The following SOX5 variants were observed in gnomAD, a reference collection of about 807,000 sequenced individuals.
SOX5 encodes SRY-box transcription factor 5, also known as transcription factor SOX-5.
Under a neutral mutation model 92.0 loss-of-function variants are expected in SOX5, and 9 were observed. That is an observed-to-expected ratio of 0.10 (90% confidence interval 0.06 to 0.17). SOX5 has a LOEUF of 0.17. Ranked by LOEUF, SOX5 falls within the 10% of genes least tolerant of loss-of-function variation. The pLI is 1.00. For synonymous variants in SOX5, 344 were observed against 336.3 expected (o/e 1.02, Z -0.25); for missense variants, 642 against 944.5 (o/e 0.68, Z 4.20).
intron 2 of SOX5, among the ~76,000 whole-genome samples, chr12:23,859,133 A>T (rs976302599): frequency 6.6e-6 from 1 of 152,188 alleles, no homozygotes; most frequent in Middle Eastern, 3.2e-3. Flanking sequence ...ACAGAATAAC[A>T]GCGATTTTCA....
At chr12:23,698,111 T>G (rs1490820018) in intron 6 of SOX5, among the ~76,000 whole-genome samples, 1 of 152,176 alleles carries the variant, frequency 6.6e-6, no homozygotes, top group Non-Finnish European at 1.5e-5. Flanking sequence ...TGTTATAACT[T>G]TTCATGTAGA....
At chr12:24,285,637 G>C (rs151079034) in intron 2 of SOX5, among the ~76,000 whole-genome samples, 26 of 152,254 alleles carry the variant, frequency 1.7e-4, no homozygotes, top group African/African-American at 6.3e-4. Flanking sequence ...TCCAGTGGTA[G>C]GTGGCAGCGA....
At chr12:24,498,101 G>A (rs1422467484) in intron 1 of SOX5, among the ~76,000 whole-genome samples, 1 of 152,026 alleles carries the variant, frequency 6.6e-6, no homozygotes, top group Non-Finnish European at 1.5e-5. Context: ...GGTAATGGAT[G>A]CTGGGCTTAA....
At chr12:23,699,079 C>T (rs1052081918) in intron 6 of SOX5, among the ~76,000 whole-genome samples, 1 of 152,204 alleles carries the variant, frequency 6.6e-6, no homozygotes, top group African/African-American at 2.4e-5. Flanking sequence ...ACCTGATGAA[C>T]ACAATCTGCA....
At chr12:23,829,770 A>G (rs530842201) in intron 3 of SOX5, among the ~76,000 whole-genome samples, 1 of 152,252 alleles carries the variant, frequency 6.6e-6, no homozygotes, top group East Asian at 1.9e-4. Context: ...TTTTTTATTG[A>G]GTCAAATAGC....
chr12:24,306,567 A>G (rs1948593857), intron 2 of SOX5, among the ~76,000 whole-genome samples: 1 of 152,208 alleles, frequency 6.6e-6, no homozygotes, highest in Non-Finnish European at 1.5e-5. Context: ...TTGTGCCTAG[A>G]TGGCACCCAC....
chr12:23,782,387 C>T (rs2095298481), intron 3 of SOX5, among the ~76,000 whole-genome samples: 1 of 151,998 alleles, frequency 6.6e-6, no homozygotes, highest in Admixed American at 6.6e-5. Context: ...ATAGACAAAT[C>T]AGAGATATGC....
intron 4 of SOX5, among the ~76,000 whole-genome samples, chr12:24,197,160 T>C (rs1957083250): frequency 6.6e-6 from 1 of 152,204 alleles, no homozygotes; most frequent in African/African-American, 2.4e-5. Flanking sequence ...TTCAATTGGT[T>C]GACATTTTCT....
chr12:23,673,490 C>A (rs2085137790), intron 6 of SOX5, among the ~76,000 whole-genome samples: 1 of 152,064 alleles, frequency 6.6e-6, no homozygotes, highest in Admixed American at 6.5e-5. Context: ...CATTAATGGT[C>A]ATTTACAAGA....
chr12:23,544,830 G>T (rs1166960645), intron 12 of SOX5, among the ~76,000 whole-genome samples: 1 of 152,058 alleles, frequency 6.6e-6, no homozygotes, highest in Admixed American at 6.6e-5. Context: ...GCAAATATAT[G>T]GCAACATCTT....
At chr12:24,045,628 A>G (rs149665694) in intron 4 of SOX5, among the ~76,000 whole-genome samples, 2 of 152,168 alleles carry the variant, frequency 1.3e-5, no homozygotes, top group Admixed American at 6.5e-5. Flanking sequence ...GACAGGGCCA[A>G]TGAGAAACTG....
chr12:24,353,034 T>C (rs1267084624), intron 2 of SOX5, among the ~76,000 whole-genome samples: 1 of 152,194 alleles, frequency 6.6e-6, no homozygotes, highest in Non-Finnish European at 1.5e-5. Context: ...AGCCTTGTAA[T>C]GCATGAGGTG....
intron 8 of SOX5, among the ~76,000 whole-genome samples, chr12:23,635,528 T>A (rs532366485): frequency 3.2e-4 from 47 of 148,626 alleles, no homozygotes; most frequent in African/African-American, 1.1e-3. Flanking sequence ...TGTCGTGGGG[T>A]GGGAGGAGGG....
At chr12:23,735,697 G>A (rs1441631887) in intron 5 of SOX5, among the ~76,000 whole-genome samples, 1 of 152,142 alleles carries the variant, frequency 6.6e-6, no homozygotes, top group Non-Finnish European at 1.5e-5. Flanking sequence ...AGTTCAACAA[G>A]TCCCAAACTA....
intron 4 of SOX5, among the ~76,000 whole-genome samples, chr12:24,008,505 A>C (rs1382014216): frequency 6.6e-6 from 1 of 152,112 alleles, no homozygotes; most frequent in Non-Finnish European, 1.5e-5. Flanking sequence ...GATTAAATCC[A>C]CCTATATATT....
chr12:24,070,896 T>C (rs536073623), intron 4 of SOX5, among the ~76,000 whole-genome samples: 2 of 152,180 alleles, frequency 1.3e-5, no homozygotes, highest in Non-Finnish European at 2.9e-5. Flanking sequence ...GTAACCTCCA[T>C]AGATTAATTT....
intron 4 of SOX5, among the ~76,000 whole-genome samples, chr12:24,196,134 A>G (rs1427686473): frequency 6.6e-6 from 1 of 152,156 alleles, no homozygotes; most frequent in Non-Finnish European, 1.5e-5. Context: ...ATCCGCCTGC[A>G]TCAGCCTCCC....
At chr12:23,691,674 C>A (rs571214460) in intron 6 of SOX5, among the ~76,000 whole-genome samples, 1 of 152,018 alleles carries the variant, frequency 6.6e-6, no homozygotes, top group Admixed American at 6.5e-5. Context: ...ATTTTCAGTT[C>A]TATCATATTT....
chr12:24,432,734 C>T (rs1938599466), intron 1 of SOX5, among the ~76,000 whole-genome samples: 1 of 152,092 alleles, frequency 6.6e-6, no homozygotes, highest in South Asian at 2.1e-4. Flanking sequence ...ATCCTTTGAA[C>T]CCAGGAGGCG....
Sources: allele counts gnomAD v4.1 joint callset (sites outside exome capture counted in the v4.1 genomes callset), GRCh38; gene constraint gnomAD v4.1.1; transcripts MANE v1.5; gene names NCBI Gene and HGNC (gene_info 2026-07-23, HGNC 2026-07-21).